GALNT13: variants seen among roughly 807,000 people sequenced by gnomAD.
The protein encoded by GALNT13 is UDP-GalNAc:polypeptide N-acetylgalactosaminyltransferase 13.
Under a neutral mutation model 64.2 loss-of-function variants are expected in GALNT13, and 28 were observed. That is an observed-to-expected ratio of 0.44 (90% confidence interval 0.32 to 0.60). GALNT13 has a LOEUF of 0.60. Ranked by LOEUF, GALNT13 falls within the 20% of genes least tolerant of loss-of-function variation. The probability of loss-of-function intolerance (pLI) is 0.05; values close to 1 mark genes in which losing one functional copy is unlikely to be tolerated. For synonymous variants in GALNT13, 214 were observed against 224.6 expected (o/e 0.95, Z 0.42); for missense variants, 577 against 669.8 (o/e 0.86, Z 1.53).
the GALNT13 span, among the ~76,000 whole-genome samples, chr2:153,499,413 A>C: frequency 1.5e-4 from 22 of 151,664 alleles, no homozygotes; most frequent in African/African-American, 5.1e-4. Flanking sequence ...GTAAGTTCTC[A>C]CTCTGGTTTA....
chr2:153,958,539 T>C (rs1692729619), intron 3 of GALNT13, among the ~76,000 whole-genome samples: 1 of 152,204 alleles, frequency 6.6e-6, no homozygotes, highest in Admixed American at 6.5e-5. Context: ...TAGCCAAATT[T>C]GAATTTGCTC....
At chr2:154,309,100 A>G (rs925553378) in intron 9 of GALNT13, among the ~76,000 whole-genome samples, 5 of 152,206 alleles carry the variant, frequency 3.3e-5, no homozygotes, top group Non-Finnish European at 7.3e-5. Context: ...CTTTGCCGTT[A>G]AAGTGTGAAC....
At chr2:154,025,761 C>T (rs6435015) in intron 3 of GALNT13, among the ~76,000 whole-genome samples, 27,946 of 152,148 alleles carry the variant, frequency 0.18, 4,717 homozygotes, top group East Asian at 0.74. Flanking sequence ...TACAGCTTTA[C>T]AGTGAGAAAG....
At chr2:153,897,316 A>G (rs890548192) in intron 1 of GALNT13, among the ~76,000 whole-genome samples, 7 of 152,116 alleles carry the variant, frequency 4.6e-5, no homozygotes, top group African/African-American at 1.7e-4. Context: ...CTTGGTCATT[A>G]TAAGAGTTCA....
At chr2:153,326,216 G>T in the GALNT13 span, among the ~76,000 whole-genome samples, 1 of 151,400 alleles carries the variant, frequency 6.6e-6, no homozygotes, top group African/African-American at 2.4e-5. Flanking sequence ...GCATTGATGC[G>T]TTTACCATTA....
At chr2:153,904,480 C>G (rs1420073639) in intron 2 of GALNT13, among the ~76,000 whole-genome samples, 1 of 151,658 alleles carries the variant, frequency 6.6e-6, no homozygotes, top group African/African-American at 2.4e-5. Context: ...TCATCTTTAC[C>G]AAAGATTAGT....
the GALNT13 span, among the ~76,000 whole-genome samples, chr2:153,172,928 T>G: frequency 6.6e-6 from 1 of 152,124 alleles, no homozygotes; most frequent in African/African-American, 2.4e-5. Flanking sequence ...GGCTCCATTG[T>G]TTACTAACTG....
At chr2:153,125,409 A>G in the GALNT13 span, among the ~76,000 whole-genome samples, 2 of 152,204 alleles carry the variant, frequency 1.3e-5, 1 homozygote, top group Non-Finnish European at 2.9e-5. Context: ...GACAAAAGCG[A>G]TGTCTTTTAT....
the GALNT13 span, among the ~76,000 whole-genome samples, chr2:153,402,716 G>T: frequency 6.6e-6 from 1 of 151,750 alleles, no homozygotes; most frequent in African/African-American, 2.4e-5. Flanking sequence ...CCTGTTGATC[G>T]CATTGGCTCC....
chr2:153,426,647 A>T, the GALNT13 span, among the ~76,000 whole-genome samples: 2 of 152,030 alleles, frequency 1.3e-5, no homozygotes, highest in Non-Finnish European at 2.9e-5. Flanking sequence ...CTTCCAGAAA[A>T]CCCAAATCTG....
At chr2:153,448,424 C>T in the GALNT13 span, among the ~76,000 whole-genome samples, 1 of 152,000 alleles carries the variant, frequency 6.6e-6, no homozygotes, top group African/African-American at 2.4e-5. Flanking sequence ...TGTCTAGGAA[C>T]AAAATTTATA....
chr2:153,303,931 C>T, the GALNT13 span, among the ~76,000 whole-genome samples: 5 of 152,014 alleles, frequency 3.3e-5, no homozygotes, highest in Admixed American at 6.6e-5. Flanking sequence ...AATCTTCAGA[C>T]ATTGCCGGTG....
chr2:153,359,668 CAT>C, the GALNT13 span, among the ~76,000 whole-genome samples: 1 of 79,958 alleles, frequency 1.3e-5, no homozygotes, highest in African/African-American at 4.4e-5. Context: ...AAAAAAGTGA[CAT>C]ATGAGAAGGC....
chr2:153,795,098 C>T, the GALNT13 span, among the ~76,000 whole-genome samples: 5 of 152,050 alleles, frequency 3.3e-5, no homozygotes, highest in Non-Finnish European at 7.4e-5. Context: ...TGTGAGTGCC[C>T]CAGATTTGTG....
intron 8 of GALNT13, among the ~76,000 whole-genome samples, chr2:154,269,383 T>A (rs1482205617): frequency 6.6e-6 from 1 of 151,778 alleles, no homozygotes; most frequent in Non-Finnish European, 1.5e-5. Flanking sequence ...ACTTAATTCA[T>A]ACAAATCTGA....
chr2:153,345,720 TC>T, the GALNT13 span, among the ~76,000 whole-genome samples: 416 of 16,714 alleles, frequency 0.025, 23 homozygotes, highest in East Asian at 0.077. Flanking sequence ...TCTCTTTCTG[TC>T]CTTCCTTCCT....
chr2:153,659,608 T>C, the GALNT13 span, among the ~76,000 whole-genome samples: 1 of 152,138 alleles, frequency 6.6e-6, no homozygotes, highest in African/African-American at 2.4e-5. Context: ...ATTATCTGGG[T>C]GCACAAAAAT....
the GALNT13 span, among the ~76,000 whole-genome samples, chr2:153,602,587 A>G: frequency 1.3e-5 from 2 of 151,848 alleles, no homozygotes; most frequent in African/African-American, 4.8e-5. Flanking sequence ...TTGGATTAAG[A>G]GAGTTCTTAG....
chr2:153,089,030 C>T, the GALNT13 span, among the ~76,000 whole-genome samples: 3 of 151,966 alleles, frequency 2.0e-5, no homozygotes, highest in African/African-American at 7.3e-5. Context: ...TGCCTTAATA[C>T]CTTGGGTTTT....
Sources: gnomAD v4.1 joint callset for allele counts (sites outside exome capture counted in the v4.1 genomes callset) on GRCh38, gnomAD v4.1.1 for gene constraint, MANE v1.5 for transcripts, NCBI Gene and HGNC (gene_info 2026-07-23, HGNC 2026-07-21) for gene names.